Variants in TSPAN18 observed in about 807,000 individuals in gnomAD.
The protein encoded by TSPAN18 is tetraspanin-18.
TSPAN18 carries 14 observed loss-of-function variants against 27.3 expected under a neutral mutation model. The observed-to-expected ratio is 0.51, with a 90% CI of 0.34 to 0.80. TSPAN18 has a LOEUF of 0.80. Ranked by LOEUF, TSPAN18 falls within the 30% of genes least tolerant of loss-of-function variation. The pLI, the probability that TSPAN18 is intolerant of heterozygous loss-of-function variation, is 0.01. For missense variants in TSPAN18, 268 were observed against 323.9 expected, an observed-to-expected ratio of 0.83 and a Z score of 1.32; for synonymous variants, 143 against 136.5, an observed-to-expected ratio of 1.05 and a Z score of -0.33.
At chr11:44,829,056 G>C (rs139606654) in intron 2 of TSPAN18, among the ~76,000 whole-genome samples, 51 of 152,100 alleles carry the variant, frequency 3.4e-4, no homozygotes, top group Non-Finnish European at 2.2e-4. Flanking sequence ...AAAAATTTAG[G>C]TTTACAAACA....
At chr11:44,733,111 T>C (rs1854703834) in intron 1 of TSPAN18, among the ~76,000 whole-genome samples, 1 of 152,200 alleles carries the variant, frequency 6.6e-6, no homozygotes, top group African/African-American at 2.4e-5. Context: ...TGGTCAGAAC[T>C]GTCATCTGGC....
chr11:44,841,621 A>G (rs917716436), intron 2 of TSPAN18, among the ~76,000 whole-genome samples: 3 of 152,154 alleles, frequency 2.0e-5, no homozygotes, highest in African/African-American at 7.2e-5. Context: ...AAAGGCCTTT[A>G]TGGAGGGGAC....
At chr11:44,877,139 C>G (rs766205875) in intron 3 of TSPAN18, among the ~76,000 whole-genome samples, 1 of 152,238 alleles carries the variant, frequency 6.6e-6, no homozygotes, top group South Asian at 2.1e-4. Context: ...TGTCAGCTGA[C>G]AAAAGTGGCC....
chr11:44,828,111 G>A (rs565386353), intron 2 of TSPAN18, among the ~76,000 whole-genome samples: 2 of 152,206 alleles, frequency 1.3e-5, no homozygotes, highest in African/African-American at 4.8e-5. Flanking sequence ...GTAAGCATTG[G>A]GTGTCTTGCA....
chr11:44,903,731 G>T (rs1859350919), intron 3 of TSPAN18: 1 of 455,588 alleles, frequency 2.2e-6, no homozygotes, highest in Non-Finnish European at 4.4e-6. Context: ...TTCAGGCCAT[G>T]CTCACTGAAG....
chr11:44,846,695 A>G (rs1857492707), intron 2 of TSPAN18, among the ~76,000 whole-genome samples: 1 of 152,158 alleles, frequency 6.6e-6, no homozygotes, highest in Non-Finnish European at 1.5e-5. Flanking sequence ...TTATTATAAC[A>G]TAAACTGTGA....
rs1860479494 is a variant in TSPAN18, at chr11:44,929,196, C to G, written c.*18C>G. ...TCCAGTAGAGGGTATGGCCTGAAGC[C>G]TGAAGACTCGCCCCACCCACCACTG... On this transcript the variant is annotated 3_prime_UTR_variant, in exon 10 of 10. Coordinates refer to ENST00000520358, the MANE Select transcript of TSPAN18 (RefSeq NM_130783.5). The G allele has an allele frequency of 6.2e-7, 1 of 1,613,344 alleles. No individual in the cohort carries two copies. Among genetic ancestry groups the G allele is most frequent in the South Asian group, 1.1e-5 (1 of 91,088 alleles).
chr11:44,819,581 T>C (rs1054896098), intron 2 of TSPAN18, among the ~76,000 whole-genome samples: 3 of 152,210 alleles, frequency 2.0e-5, no homozygotes, highest in Non-Finnish European at 2.9e-5. Context: ...ATGGAACTCC[T>C]AATTAATAGA....
At chr11:44,926,895 G>A (rs1031162760) in intron 9 of TSPAN18, 138 bp downstream of exon 9, 15 of 786,834 alleles carry the variant, frequency 1.9e-5, no homozygotes, top group African/African-American at 3.4e-5. Flanking sequence ...GCTATGGGGT[G>A]GTAAGCCCGG....
chr11:44,919,861 A>G lies in TSPAN18; in HGVS notation c.477A>G (p.Ala159=). ...GVNGPEDFKF[A]SVFRLLTLDS... ...ACGGGCCTGAAGACTTTAAGTTTGCATCTGTGTTTCGACTCCTGACCCTGG... is the reference window on the plus strand; with the variant it reads ...ACGGGCCTGAAGACTTTAAGTTTGCGTCTGTGTTTCGACTCCTGACCCTGG... The change falls in exon 8 of 10, where the codon GCA becomes GCG. Residue 159 remains alanine, a synonymous_variant. Coordinates refer to ENST00000520358, the MANE Select transcript of TSPAN18 (RefSeq NM_130783.5). 2 of 1,614,132 alleles carry G rather than the reference A, an allele frequency of 1.2e-6. No individual in the cohort carries two copies. The highest frequency in any genetic ancestry group is 1.3e-5 in the African/African-American group (1 of 75,014).
In TSPAN18 at chr11:44,853,746, T is replaced by G. The variant is rs558682669; in HGVS notation, c.-152-6582T>G. Among the ~76,000 whole-genome samples the G allele has an allele frequency of 7.2e-5, 11 of 152,276 alleles. No homozygotes were observed. The East Asian group carries it at 2.1e-3, about 29-fold the overall frequency. On this transcript the variant is annotated intron_variant, in intron 2 of 9. Coordinates refer to ENST00000520358, the MANE Select transcript of TSPAN18 (RefSeq NM_130783.5). The stretch of plus-strand genomic sequence containing the variant: ...CCTGTCTTTATTTCTGGAGTGGACA[T>G]GCATTTCCAAGAGGAAGCACTGAGA...
intron 4 of TSPAN18, among the ~76,000 whole-genome samples, chr11:44,909,365 G>T (rs1590672348): frequency 1.3e-5 from 2 of 152,202 alleles, no homozygotes; most frequent in African/African-American, 2.4e-5. Context: ...GAATCAGAGG[G>T]TTGGACTAGA....
chr11:44,870,922 A>C (rs567766026), intron 3 of TSPAN18, among the ~76,000 whole-genome samples: 1 of 152,274 alleles, frequency 6.6e-6, no homozygotes, highest in South Asian at 2.1e-4. Context: ...CTAGACTCAC[A>C]CAGATCACCA....
intron 4 of TSPAN18, 178 bp from the exon 5 acceptor site, chr11:44,909,517 GAAAAATTAAA>G: frequency 1.7e-6 from 1 of 587,166 alleles, no homozygotes; most frequent in Non-Finnish European, 3.0e-6. Flanking sequence ...ACGGCAGCTA[GAAAAATTAAA>G]AGCAATTCAA....
At chr11:44,746,780 G>C (rs1047468855) in intron 1 of TSPAN18, among the ~76,000 whole-genome samples, 1 of 152,152 alleles carries the variant, frequency 6.6e-6, no homozygotes, top group Non-Finnish European at 1.5e-5. Context: ...TTTGGGGTTA[G>C]GACAAGATTA....
intron 3 of TSPAN18, among the ~76,000 whole-genome samples, chr11:44,874,720 G>A (rs1858283494): frequency 6.6e-6 from 1 of 152,228 alleles, no homozygotes. Context: ...CAGGTCTATG[G>A]CTGGCCGGGC....
At chr11:44,910,445 T>A (rs1377771423) in intron 5 of TSPAN18, among the ~76,000 whole-genome samples, 2 of 152,236 alleles carry the variant, frequency 1.3e-5, no homozygotes, top group Non-Finnish European at 2.9e-5. Context: ...GGCCCGTGCC[T>A]GCAGTGGGTG....
chr11:44,761,558 G>T (rs1264974836), intron 1 of TSPAN18, among the ~76,000 whole-genome samples: 1 of 152,236 alleles, frequency 6.6e-6, no homozygotes, highest in Non-Finnish European at 1.5e-5. Flanking sequence ...GAGGCTGCAG[G>T]AAGGCAAAAT....
intron 2 of TSPAN18, among the ~76,000 whole-genome samples, chr11:44,805,719 GTGC>G (rs1383153704): frequency 6.6e-6 from 1 of 152,186 alleles, no homozygotes; most frequent in East Asian, 1.9e-4. Flanking sequence ...CAAAGTCAAG[GTGC>G]TGGCAGGGTC....
Sources: allele counts gnomAD v4.1 joint callset (sites outside exome capture counted in the v4.1 genomes callset), GRCh38; gene constraint gnomAD v4.1.1; transcripts MANE v1.5; gene names NCBI Gene and HGNC (gene_info 2026-07-23, HGNC 2026-07-21).